SIM1: variants seen among roughly 807,000 people sequenced by gnomAD.
SIM1 encodes the protein SIM bHLH transcription factor 1.
A neutral mutation model predicts 78.2 loss-of-function variants in SIM1; 18 were observed. That is an observed-to-expected ratio of 0.23 (90% CI 0.16 to 0.34). The LOEUF (loss-of-function observed/expected upper bound fraction) is 0.34, where lower values mean the gene tolerates loss of function less well. Ranked by LOEUF, SIM1 falls within the 10% of genes least tolerant of loss-of-function variation. The pLI is 1.00. For synonymous variants in SIM1, 417 were observed against 385.2 expected (o/e 1.08, Z -0.97); for missense variants, 939 against 975.1 (o/e 0.96, Z 0.49).
chr6:100,455,499 G>T (rs947509599), intron 2 of SIM1, among the ~76,000 whole-genome samples: 1 of 152,072 alleles, frequency 6.6e-6, no homozygotes, highest in East Asian at 1.9e-4. Flanking sequence ...TTTCTGTCAC[G>T]ACCTGCTCTT....
chr6:100,430,645 C>T (rs889420056), intron 9 of SIM1, among the ~76,000 whole-genome samples: 2 of 151,990 alleles, frequency 1.3e-5, no homozygotes, highest in African/African-American at 4.8e-5. Flanking sequence ...CTCACCAGAC[C>T]CTTCACTGTC....
chr6:100,460,596 G>A (rs1472847308), intron 2 of SIM1, among the ~76,000 whole-genome samples: 1 of 152,166 alleles, frequency 6.6e-6, no homozygotes, highest in African/African-American at 2.4e-5. Context: ...CATGATAAAT[G>A]TAAAGATGAA....
chr6:100,424,886 A>T (rs1771685775), intron 9 of SIM1, among the ~76,000 whole-genome samples: 2 of 152,206 alleles, frequency 1.3e-5, no homozygotes, highest in Admixed American at 6.5e-5. Flanking sequence ...CCAGAACAAT[A>T]GTTTCACTTT....
chr6:100,446,685 T>TA (rs1772363912), intron 9 of SIM1, among the ~76,000 whole-genome samples: 1 of 152,186 alleles, frequency 6.6e-6, no homozygotes, highest in South Asian at 2.1e-4. Flanking sequence ...GTGAAGCAAT[T>TA]ACGCCCCGCG....
In SIM1 at chr6:100,464,798, A is replaced by G. The variant is rs962395465; in HGVS notation, c.-652T>C. On this transcript the variant is annotated 5_prime_UTR_variant, in exon 1 of 12. Transcript: ENST00000369208. ...AGGGGTGCGTGGCAGAAAGAGGAGGATGCAAGCTTTGGGACGAGTGAGGTG... is the reference window on the plus strand; with the variant it reads ...AGGGGTGCGTGGCAGAAAGAGGAGGGTGCAAGCTTTGGGACGAGTGAGGTG... 2 of 152,268 alleles carry G rather than the reference A, an allele frequency of 1.3e-5. No homozygotes were observed. The highest frequency in any genetic ancestry group is 4.8e-5 in the African/African-American group (2 of 41,410). The allele number at this position is 152,268 out of a possible 1,614,324, so 9.4% of individuals were successfully genotyped here.
chr6:100,435,873 C>G (rs917628837), intron 9 of SIM1, among the ~76,000 whole-genome samples: 1 of 152,060 alleles, frequency 6.6e-6, no homozygotes, highest in Non-Finnish European at 1.5e-5. Context: ...GCTCCCTCTC[C>G]CTGAGGCAAT....
intron 10 of SIM1, among the ~76,000 whole-genome samples, chr6:100,415,202 C>T (rs1771367195): frequency 6.6e-6 from 1 of 152,158 alleles, no homozygotes; most frequent in Non-Finnish European, 1.5e-5. Flanking sequence ...GCAATTTATT[C>T]ATGATTGACA....
chr6:100,422,193 G>T (rs1771606360), intron 9 of SIM1, among the ~76,000 whole-genome samples: 1 of 152,020 alleles, frequency 6.6e-6, no homozygotes, highest in African/African-American at 2.4e-5. Context: ...GGATTGAGAA[G>T]CATATAAAAC....
chr6:100,397,733 AAGACAAGCTAC>A (rs1159624507), intron 10 of SIM1, among the ~76,000 whole-genome samples: 1 of 152,120 alleles, frequency 6.6e-6, no homozygotes, highest in African/African-American at 2.4e-5. Flanking sequence ...AGAGGATGAA[AAGACAAGCTAC>A]AGGAAGGGAT....
intron 9 of SIM1, among the ~76,000 whole-genome samples, chr6:100,428,154 C>A (rs1771785551): frequency 6.6e-6 from 1 of 152,070 alleles, no homozygotes. Context: ...AAAAGCAAAT[C>A]ATGTTTTCCT....
At chr6:100,415,905 C>G (rs1771386597) in intron 10 of SIM1, among the ~76,000 whole-genome samples, 1 of 152,138 alleles carries the variant, frequency 6.6e-6, no homozygotes, top group Non-Finnish European at 1.5e-5. Context: ...TACCCTCATA[C>G]AATGGGCCCC....
At chr6:100,428,169 T>C (rs988828488) in intron 9 of SIM1, among the ~76,000 whole-genome samples, 8 of 152,214 alleles carry the variant, frequency 5.3e-5, no homozygotes, top group African/African-American at 1.7e-4. Context: ...TTTCCTGTTA[T>C]GCACATTAAT....
intron 9 of SIM1, among the ~76,000 whole-genome samples, chr6:100,426,738 C>T (rs997618358): frequency 2.0e-5 from 3 of 152,158 alleles, no homozygotes; most frequent in Non-Finnish European, 2.9e-5. Context: ...TTTGCAAGAA[C>T]TTTTCTCTTC....
At chr6:100,429,322 T>C (rs1771832273) in intron 9 of SIM1, among the ~76,000 whole-genome samples, 2 of 150,712 alleles carry the variant, frequency 1.3e-5, no homozygotes, top group African/African-American at 2.4e-5. Context: ...TGAGCCAACA[T>C]TGCACCACTG....
intron 3 of SIM1, among the ~76,000 whole-genome samples, chr6:100,453,163 C>A (rs1483670540): frequency 1.3e-5 from 2 of 152,142 alleles, no homozygotes; most frequent in Non-Finnish European, 2.9e-5. Flanking sequence ...GTAATGGGAG[C>A]CTAGCATTGG....
intron 2 of SIM1, chr6:100,462,725 G>A (rs920243502): frequency 2.0e-5 from 3 of 152,270 alleles, no homozygotes; most frequent in African/African-American, 7.2e-5. Context: ...CAGAATCTGC[G>A]AATGTCTTGA....
chr6:100,426,696 G>A (rs1248827877), intron 9 of SIM1, among the ~76,000 whole-genome samples: 1 of 152,134 alleles, frequency 6.6e-6, no homozygotes, highest in African/African-American at 2.4e-5. Flanking sequence ...GCAATCAACA[G>A]TATTTTATCA....
intron 10 of SIM1, among the ~76,000 whole-genome samples, chr6:100,402,567 CT>C (rs869130841): frequency 0.015 from 1,180 of 76,280 alleles, 4 homozygotes; most frequent in African/African-American, 0.022. Flanking sequence ...TTTCTTTTCT[CT>C]TTTTTTTTTT....
chr6:100,444,868 C>T (rs891080485), intron 9 of SIM1, among the ~76,000 whole-genome samples: 2 of 152,150 alleles, frequency 1.3e-5, no homozygotes, highest in African/African-American at 4.8e-5. Context: ...TTTAAAACCT[C>T]TACTTTCATG....
Sources: gnomAD v4.1 joint callset for allele counts (sites outside exome capture counted in the v4.1 genomes callset) on GRCh38, gnomAD v4.1.1 for gene constraint, MANE v1.5 for transcripts, NCBI Gene and HGNC (gene_info 2026-07-23, HGNC 2026-07-21) for gene names.